Variants in FAAH2 observed in about 807,000 individuals in gnomAD.
FAAH2 encodes the protein fatty-acid amide hydrolase 2.
In FAAH2, 60 loss-of-function variants were observed where a neutral mutation model predicts 36.9. The observed-to-expected ratio is 1.63, with a 90% CI of 1.32 to 2.02. The LOEUF (loss-of-function observed/expected upper bound fraction) is 2.02, where lower values mean the gene tolerates loss of function less well. Among genes scored for constraint, FAAH2 ranks in the 30% most tolerant of loss-of-function variants. The probability of loss-of-function intolerance (pLI) is 0.00; values close to 1 mark genes in which losing one functional copy is unlikely to be tolerated. For synonymous variants in FAAH2, 214 were observed against 143.8 expected (o/e 1.49, Z -3.49); for missense variants, 689 against 397.5 (o/e 1.73, Z -6.23).
chrX:57,445,972 G>A (rs2056665683), intron 8 of FAAH2, among the ~76,000 whole-genome samples: 1 of 112,459 alleles, frequency 8.9e-6, no homozygotes, highest in African/African-American at 3.2e-5. Context: ...GCTAGTGGTG[G>A]AGCCAGCCAG....
chrX:57,431,861 C>T, intron 7 of FAAH2, 57 bp from the exon 8 acceptor site: 1 of 950,757 alleles, frequency 1.1e-6, no homozygotes, highest in Middle Eastern at 3.1e-4. Context: ...TGTCACTCTT[C>T]AGTAGTATCT....
chrX:57,440,456 C>T (rs185532593), intron 8 of FAAH2, among the ~76,000 whole-genome samples: 1 of 111,414 alleles, frequency 9.0e-6, no homozygotes, highest in African/African-American at 3.3e-5. Context: ...GATTTTGTAT[C>T]CTGAGACTTT....
chrX:57,341,944 T>C (rs998614521), intron 5 of FAAH2, among the ~76,000 whole-genome samples: 2 of 111,454 alleles, frequency 1.8e-5, no homozygotes, highest in Non-Finnish European at 3.8e-5. Context: ...TTATTTATGG[T>C]GGTAAGAATG....
At chrX:57,236,569 G>C in the FAAH2 span, among the ~76,000 whole-genome samples, 1 of 111,866 alleles carries the variant, frequency 8.9e-6, no homozygotes, top group Non-Finnish European at 1.9e-5. Context: ...TTGTGGTTTT[G>C]ATTTGCATTT....
the FAAH2 span, among the ~76,000 whole-genome samples, chrX:57,231,710 A>T: frequency 1.8e-5 from 2 of 112,165 alleles, no homozygotes; most frequent in African/African-American, 6.5e-5. Context: ...AGAATTAGAA[A>T]TGAAATTTGA....
intron 7 of FAAH2, among the ~76,000 whole-genome samples, chrX:57,403,396 G>T (rs1273632274): frequency 8.9e-6 from 1 of 112,654 alleles, no homozygotes; most frequent in East Asian, 2.8e-4. Context: ...AAAGAAAGGG[G>T]TCTGGGCTGC....
At chrX:57,391,382 T>C (rs967239697) in intron 7 of FAAH2, among the ~76,000 whole-genome samples, 11 of 111,571 alleles carry the variant, frequency 9.9e-5, no homozygotes, top group Non-Finnish European at 1.9e-5. Context: ...TAGTCATAAA[T>C]TATTTCCCTC....
intron 7 of FAAH2, chrX:57,393,062 G>A (rs1390102241): frequency 2.2e-6 from 2 of 917,142 alleles, no homozygotes; most frequent in Non-Finnish European, 3.2e-6. Context: ...CCAGGGCTAA[G>A]GTACCCTTGC....
the FAAH2 span, among the ~76,000 whole-genome samples, chrX:57,278,463 A>G: frequency 1.4e-3 from 155 of 111,702 alleles, 2 homozygotes; most frequent in Middle Eastern, 0.037. Context: ...TAGACCTAAA[A>G]CCATAAAAAC....
chrX:57,279,740 A>T, the FAAH2 span, among the ~76,000 whole-genome samples: 7 of 112,009 alleles, frequency 6.2e-5, no homozygotes, highest in Non-Finnish European at 1.1e-4. Flanking sequence ...AAAGACAAAA[A>T]ACACGTTATT....
At chrX:57,448,200 G>A (rs1223698191) in intron 9 of FAAH2, among the ~76,000 whole-genome samples, 2 of 111,599 alleles carry the variant, frequency 1.8e-5, no homozygotes, top group Non-Finnish European at 3.8e-5. Flanking sequence ...TGAACCCCTG[G>A]GCTCAAGTAA....
chrX:57,381,451 G>A (rs2054846962), intron 7 of FAAH2: 1 of 413,808 alleles, frequency 2.4e-6, no homozygotes, highest in African/African-American at 2.7e-5. Context: ...CTTTTTAAAA[G>A]CAAGAGTTCA....
the FAAH2 span, among the ~76,000 whole-genome samples, chrX:57,131,824 C>T: frequency 9.0e-6 from 1 of 111,672 alleles, no homozygotes; most frequent in African/African-American, 3.3e-5. Context: ...ACTGTAATCT[C>T]TGAGAGGAAA....
the FAAH2 span, among the ~76,000 whole-genome samples, chrX:57,208,014 T>A: frequency 8.9e-6 from 1 of 112,789 alleles, no homozygotes; most frequent in African/African-American, 3.2e-5. Flanking sequence ...TATTTCCCTG[T>A]TGATCTGGGG....
At chrX:57,456,582 G>A (rs766777718) in intron 10 of FAAH2, among the ~76,000 whole-genome samples, 2 of 111,623 alleles carry the variant, frequency 1.8e-5, no homozygotes, top group African/African-American at 3.2e-5. Context: ...AGATCCAAAT[G>A]AGCACAATGA....
intron 2 of FAAH2, among the ~76,000 whole-genome samples, chrX:57,305,743 C>T (rs2052503881): frequency 9.0e-6 from 1 of 111,174 alleles, no homozygotes; most frequent in South Asian, 3.8e-4. Flanking sequence ...CTTTTTACTC[C>T]ACTTGGGTAT....
intron 7 of FAAH2, chrX:57,394,730 CT>C: frequency 1.1e-6 from 1 of 874,519 alleles, no homozygotes; most frequent in Non-Finnish European, 1.7e-6. Flanking sequence ...ATGACTATTG[CT>C]AGGTTTGATC....
At chrX:57,446,022 T>C (rs1224894265) in intron 8 of FAAH2, among the ~76,000 whole-genome samples, 1 of 112,509 alleles carries the variant, frequency 8.9e-6, no homozygotes, top group Non-Finnish European at 1.9e-5. Flanking sequence ...ATTTCCCTCA[T>C]TCAGAACTGC....
chrX:57,292,460 G>T, intron 1 of FAAH2, 38 bp from the exon 2 acceptor site: 1 of 1,123,543 alleles, frequency 8.9e-7, no homozygotes. Flanking sequence ...ATTGTTTAGT[G>T]AATAAATGGC....
Sources: gnomAD v4.1 joint callset for allele counts (sites outside exome capture counted in the v4.1 genomes callset) on GRCh38, gnomAD v4.1.1 for gene constraint, MANE v1.5 for transcripts, NCBI Gene and HGNC (gene_info 2026-07-23, HGNC 2026-07-21) for gene names.